Variants in SPIRE1 observed in about 807,000 individuals in gnomAD.
The protein encoded by SPIRE1 is protein spire homolog 1.
In SPIRE1, 40 loss-of-function variants were observed where a neutral mutation model predicts 94.1. That is an observed-to-expected ratio of 0.43 (90% CI 0.33 to 0.55). The LOEUF is 0.55. Among genes scored for constraint, SPIRE1 ranks in the 20% least tolerant of loss-of-function variants. The pLI is 0.06. For synonymous variants in SPIRE1, 376 were observed against 371.7 expected (o/e 1.01, Z -0.13); for missense variants, 838 against 975.2 (o/e 0.86, Z 1.87).
chr18:12,459,134 T>TA lies in SPIRE1; in HGVS notation c.1638+4216dup, dbSNP rs376117381. ...TCAAATAATGATATATTATTCTGTG[T>TA]AAAAAAACCTCAAAAAACAGTAATA... On this transcript the variant is annotated intron_variant, in intron 12 of 16. Transcript: ENST00000409402. Among the ~76,000 whole-genome samples the TA allele has an allele frequency of 3.2e-3, 493 of 152,294 alleles. 1 individual carries two copies. Among genetic ancestry groups the TA allele is most frequent in the African/African-American group, 0.011 (462 of 41,552 alleles).
chr18:12,619,614 C>T (rs924871043), intron 2 of SPIRE1, among the ~76,000 whole-genome samples: 11 of 151,394 alleles, frequency 7.3e-5, no homozygotes, highest in Admixed American at 3.3e-4. Flanking sequence ...TTTGGGAGGC[C>T]GAGGTGGGTG....
chr18:12,611,206 A>G (rs925084465), intron 2 of SPIRE1, among the ~76,000 whole-genome samples: 5 of 152,186 alleles, frequency 3.3e-5, no homozygotes, highest in Non-Finnish European at 7.3e-5. Context: ...TGGGTTATCC[A>G]GCCTCCATGA....
chr18:12,463,291 T>A (rs1372726840), intron 12 of SPIRE1, 60 bp downstream of exon 12: 3 of 1,449,390 alleles, frequency 2.1e-6, no homozygotes, highest in Non-Finnish European at 2.8e-6. Flanking sequence ...ATAAGAAAGC[T>A]AATGATTCTA....
At chr18:12,558,210 C>T (rs1036475685) in intron 2 of SPIRE1, among the ~76,000 whole-genome samples, 3 of 152,110 alleles carry the variant, frequency 2.0e-5, no homozygotes, top group African/African-American at 7.2e-5. Flanking sequence ...GAGTTAGTTT[C>T]TTCTGGTGGG....
chr18:12,559,101 G>C lies in SPIRE1; in HGVS notation c.373-12197C>G, dbSNP rs375389196. Among the ~76,000 whole-genome samples the C allele has an allele frequency of 1.3e-5, 2 of 151,188 alleles. No individual in the cohort carries two copies. Among genetic ancestry groups the C allele is most frequent in the African/African-American group, 4.8e-5 (2 of 41,248 alleles). Reference sequence around the variant, plus strand: ...TGCCTGCACTCCTCAGCCCTTGGGCGGTAGATGGGACCAGGCACCTTGGAG... The same window carrying C: ...TGCCTGCACTCCTCAGCCCTTGGGCCGTAGATGGGACCAGGCACCTTGGAG... On this transcript the variant is annotated intron_variant, in intron 2 of 16. Transcript: ENST00000409402. This position sits in a 1 kb window ranked among gnomAD's most constrained non-coding sequence, Gnocchi z 4.7.
chr18:12,558,000 C>A (rs1205090424), intron 2 of SPIRE1, among the ~76,000 whole-genome samples: 2 of 152,144 alleles, frequency 1.3e-5, no homozygotes, highest in Admixed American at 1.3e-4. Flanking sequence ...AGACCCCTAT[C>A]TATCGCTATG....
At chr18:12,455,985 C>A (rs1226498216) in intron 12 of SPIRE1, among the ~76,000 whole-genome samples, 1 of 152,150 alleles carries the variant, frequency 6.6e-6, no homozygotes, top group Non-Finnish European at 1.5e-5. Flanking sequence ...CTGCTTCTTA[C>A]TAAAAATCAA....
At chr18:12,602,146 A>G (rs2036852322) in intron 2 of SPIRE1, among the ~76,000 whole-genome samples, 1 of 152,130 alleles carries the variant, frequency 6.6e-6, no homozygotes, top group Admixed American at 6.5e-5. Flanking sequence ...ACATACACAT[A>G]AAGGGCTGAG....
At chr18:12,647,940 G>C (rs1165025536) in intron 1 of SPIRE1, among the ~76,000 whole-genome samples, 1 of 152,120 alleles carries the variant, frequency 6.6e-6, no homozygotes, top group Non-Finnish European at 1.5e-5. Context: ...GCAAGGACGT[G>C]CTCCACCAGA....
intron 4 of SPIRE1, among the ~76,000 whole-genome samples, chr18:12,518,250 TCTG>T (rs2034255748): frequency 6.6e-6 from 1 of 152,174 alleles, no homozygotes; most frequent in Non-Finnish European, 1.5e-5. Context: ...GGCTCAGTGG[TCTG>T]CCCGTCTTGG....
intron 5 of SPIRE1, 140 bp from the exon 6 acceptor site, chr18:12,506,781 T>C: frequency 1.2e-6 from 1 of 859,604 alleles, no homozygotes. Context: ...AAAATTAGAT[T>C]TTGGGTACTA....
At chr18:12,630,214 AG>A (rs1273201240) in intron 2 of SPIRE1, among the ~76,000 whole-genome samples, 1 of 152,226 alleles carries the variant, frequency 6.6e-6, no homozygotes, top group Non-Finnish European at 1.5e-5. Flanking sequence ...AAAACCCCAG[AG>A]AGATAAAGAG....
At chr18:12,625,912 G>A (rs531764946) in intron 2 of SPIRE1, among the ~76,000 whole-genome samples, 50 of 152,032 alleles carry the variant, frequency 3.3e-4, no homozygotes, top group African/African-American at 1.1e-3. Context: ...GCGTGGTGGC[G>A]GCTGCCTGTA....
At chr18:12,460,337 T>C (rs889063636) in intron 12 of SPIRE1, among the ~76,000 whole-genome samples, 4 of 152,158 alleles carry the variant, frequency 2.6e-5, no homozygotes, top group African/African-American at 9.7e-5. Flanking sequence ...TGGATGGGCA[T>C]TTGCCCTCGG....
At chr18:12,577,395 C>T (rs906183106) in intron 2 of SPIRE1, among the ~76,000 whole-genome samples, 8 of 152,218 alleles carry the variant, frequency 5.3e-5, no homozygotes, top group Middle Eastern at 3.4e-3. Flanking sequence ...GATCTGCCCA[C>T]CTCAGCCTCC....
chr18:12,567,992 T>G (rs980986233), intron 2 of SPIRE1, among the ~76,000 whole-genome samples: 1 of 152,246 alleles, frequency 6.6e-6, no homozygotes, highest in Non-Finnish European at 1.5e-5. Flanking sequence ...TAATCATGTC[T>G]GCCTTGCCTT....
In SPIRE1 at chr18:12,512,538, G is replaced by T. The variant is rs771652266; in HGVS notation, c.730-7C>A. The stretch of plus-strand genomic sequence containing the variant: ...CTTGAATCTTCTTAAGATTCTACAG[G>T]TTAAAATAATACAGGCATAAACATT... On this transcript the variant is annotated splice_region_variant and splice_polypyrimidine_tract_variant and intron_variant, in intron 4 of 16. Coordinates refer to ENST00000409402, the MANE Select transcript of SPIRE1 (RefSeq NM_001128626.2). 9 of 1,576,154 alleles carry T rather than the reference G, an allele frequency of 5.7e-6. No individual in the cohort carries two copies. The highest frequency in any genetic ancestry group is 7.0e-6 in the Non-Finnish European group (8 of 1,150,916).
chr18:12,519,796 C>G (rs2034308475), intron 4 of SPIRE1, among the ~76,000 whole-genome samples: 1 of 152,130 alleles, frequency 6.6e-6, no homozygotes, highest in Admixed American at 6.5e-5. Flanking sequence ...AACACATTGT[C>G]AAGATGTAGG....
intron 12 of SPIRE1, among the ~76,000 whole-genome samples, chr18:12,461,525 T>TATA (rs368025536): frequency 5.1e-5 from 3 of 58,614 alleles, no homozygotes; most frequent in Admixed American, 1.4e-4. Context: ...TACATATGTG[T>TATA]GGTATGTACG....
Sources: gnomAD v4.1 joint callset for allele counts (sites outside exome capture counted in the v4.1 genomes callset) on GRCh38, gnomAD v4.1.1 for gene constraint, Gnocchi (gnomAD v3.1) non-coding constraint, MANE v1.5 for transcripts, NCBI Gene and HGNC (gene_info 2026-07-23, HGNC 2026-07-21) for gene names.